Variants in WDTC1 observed in about 807,000 individuals in gnomAD.
WDTC1 encodes the protein WD and tetratricopeptide repeats protein 1.
A neutral mutation model predicts 76.0 loss-of-function variants in WDTC1; 12 were observed. That is an observed-to-expected ratio of 0.16 (90% CI 0.10 to 0.26). WDTC1 has a LOEUF of 0.26. WDTC1 is among the 10% of genes least tolerant of loss of function. The pLI is 1.00. For missense variants in WDTC1, 511 were observed against 908.8 expected (o/e 0.56, Z 5.63); for synonymous variants, 326 against 350.8 (o/e 0.93, Z 0.79).
chr1:27,304,490 C>A lies in WDTC1; in HGVS notation c.1644-511C>A, dbSNP rs1252024400. 3 of 154,184 alleles carry A rather than the reference C, an allele frequency of 1.9e-5. No individual in the cohort carries two copies. In the East Asian group the frequency reaches 5.8e-4, roughly 30 times the overall value. The allele number at this position is 154,184 out of a possible 1,614,324, so 9.6% of individuals were successfully genotyped here. ...GGGTGTGGTGACGTGCACCTGTAGTCCCAGCTATTCAGGAGGTTGACATTG... is the reference window on the plus strand; with the variant it reads ...GGGTGTGGTGACGTGCACCTGTAGTACCAGCTATTCAGGAGGTTGACATTG... On this transcript the variant is annotated intron_variant, in intron 14 of 15. Transcript: ENST00000319394.
chr1:27,261,608 C>A (rs2012477011), intron 2 of WDTC1, among the ~76,000 whole-genome samples: 1 of 152,092 alleles, frequency 6.6e-6, no homozygotes, highest in African/African-American at 2.4e-5. Context: ...CAGTCAAGTT[C>A]AGTTATTGAA....
In WDTC1 at chr1:27,248,117, G is replaced by A. The variant is rs549407265; in HGVS notation, c.-99-12839G>A. Among the ~76,000 whole-genome samples the A allele has an allele frequency of 5.9e-5, 9 of 152,334 alleles. No homozygotes were observed. The South Asian group carries it at 1.9e-3, about 32-fold the overall frequency. ...AGTGCCACAATTAACATACTGCACA[G>A]TGTGTGTGTCTTTATGGTGAAACTA... On this transcript the variant is annotated intron_variant, in intron 1 of 15. Transcript: ENST00000319394.
intron 1 of WDTC1, among the ~76,000 whole-genome samples, chr1:27,235,746 C>T (rs985182540): frequency 7.9e-5 from 12 of 151,962 alleles, no homozygotes; most frequent in East Asian, 1.9e-4. Flanking sequence ...GGTACAGGGG[C>T]CTGTAACTAA....
intron 5 of WDTC1, among the ~76,000 whole-genome samples, chr1:27,285,928 G>A (rs2013320124): frequency 6.7e-6 from 1 of 150,262 alleles, no homozygotes; most frequent in Admixed American, 6.6e-5. Context: ...TGAAGCTATG[G>A]TTGCAGCTGT....
intron 1 of WDTC1, among the ~76,000 whole-genome samples, chr1:27,237,576 G>A (rs930652276): frequency 7.2e-5 from 11 of 152,096 alleles, no homozygotes; most frequent in Admixed American, 2.0e-4. Flanking sequence ...CTGGCTGAGC[G>A]CGGTGGCTCA....
intron 11 of WDTC1, 151 bp from the exon 12 acceptor site, chr1:27,297,787 C>A: frequency 5.7e-6 from 4 of 707,894 alleles, no homozygotes; most frequent in South Asian, 2.4e-5. Flanking sequence ...AGGTAATATC[C>A]CAGACCAGGG....
chr1:27,246,642 A>T (rs1318171396), intron 1 of WDTC1, among the ~76,000 whole-genome samples: 1 of 151,390 alleles, frequency 6.6e-6, no homozygotes, highest in Middle Eastern at 3.4e-3. Context: ...GCTTACTGCA[A>T]CCTCCGCCTT....
chr1:27,243,912 G>A (rs143846120), intron 1 of WDTC1, among the ~76,000 whole-genome samples: 4,969 of 150,448 alleles, frequency 0.033, 112 homozygotes, highest in Middle Eastern at 0.048. Context: ...GATCGCTTGA[G>A]CCCAGGAGTT....
Position 27,306,118 on chromosome 1 carries a change from C to G in WDTC1, c.1837-68C>G. 3 of 1,570,982 alleles carry G rather than the reference C, an allele frequency of 1.9e-6. No homozygotes were observed. The highest frequency in any genetic ancestry group is 2.6e-6 in the Non-Finnish European group (3 of 1,144,324). ...AGTCTGTGTATTTCCCTCCCCCTCC[C>G]CTATACGTGTACCCTGGTGCCTCTC... On this transcript the variant is annotated intron_variant, in intron 15 of 15. Coordinates refer to ENST00000319394, the MANE Select transcript of WDTC1 (RefSeq NM_001276252.2). This position sits in a 1 kb window ranked among gnomAD's most constrained non-coding sequence, Gnocchi z 5.0.
rs2013246484 is a variant in WDTC1, at chr1:27,283,440, C to T, written c.282C>T (p.Phe94=). The change falls in exon 5 of 16, where the codon TTC becomes TTT. Residue 94 remains phenylalanine, a synonymous_variant. Transcript: ENST00000319394. ...SMHTGHTANI[F]SVKFLPHAGD... ...ACACGGGACACACCGCAAATATCTT[C>T]TCTGTCAAGGTGAGCAGGACAAGCC... 1 of 1,612,250 alleles carries T rather than the reference C, an allele frequency of 6.2e-7. No individual in the cohort carries two copies. Among genetic ancestry groups the T allele is most frequent in the Non-Finnish European group, 8.5e-7 (1 of 1,179,976 alleles).
chr1:27,302,939 G>C (rs1299399594), intron 13 of WDTC1, among the ~76,000 whole-genome samples: 1 of 152,054 alleles, frequency 6.6e-6, no homozygotes, highest in African/African-American at 2.4e-5. Context: ...GAGGGTAAGG[G>C]CATGGTCCTT....
chr1:27,271,357 G>A (rs2012863394), intron 3 of WDTC1, among the ~76,000 whole-genome samples: 1 of 151,946 alleles, frequency 6.6e-6, no homozygotes, highest in Non-Finnish European at 1.5e-5. Flanking sequence ...TGGGATGACA[G>A]GCATCTGCCA....
rs78978973 is a variant in WDTC1 at position 27,255,073 on chromosome 1, G to A, written c.-99-5883G>A. On this transcript the variant is annotated intron_variant, in intron 1 of 15. Transcript: ENST00000319394. ...GTTCCTTTTAGTATTTCCAAGCCACGCACCAGTCTTAGCTAAAAACCCCTT... is the reference window on the plus strand; with the variant it reads ...GTTCCTTTTAGTATTTCCAAGCCACACACCAGTCTTAGCTAAAAACCCCTT... Among the ~76,000 whole-genome samples, 30 of 151,588 alleles carry A rather than the reference G, an allele frequency of 2.0e-4. 1 individual carries two copies. In the South Asian group the frequency reaches 5.2e-3, roughly 26 times the overall value.
intron 1 of WDTC1, among the ~76,000 whole-genome samples, chr1:27,236,277 C>T (rs1456852280): frequency 6.6e-6 from 1 of 152,166 alleles, no homozygotes; most frequent in Non-Finnish European, 1.5e-5. Flanking sequence ...ACTAGTTGGG[C>T]TCCTTTGGGC....
At chr1:27,249,697 GC>G (rs1416354279) in intron 1 of WDTC1, among the ~76,000 whole-genome samples, 2 of 152,014 alleles carry the variant, frequency 1.3e-5, no homozygotes, top group African/African-American at 4.8e-5. Flanking sequence ...TTCTGCCTCA[GC>G]CTCCTGAGTA....
intron 6 of WDTC1, among the ~76,000 whole-genome samples, chr1:27,289,388 C>T (rs1235105267): frequency 3.7e-4 from 51 of 138,158 alleles, no homozygotes; most frequent in Non-Finnish European, 6.3e-4. Context: ...CAGACGGGGT[C>T]GCGGCCGGGC....
rs530771190 is a variant in WDTC1, at chr1:27,294,150, C to T, written c.757+34C>T. The T allele has an allele frequency of 7.2e-5, 115 of 1,600,964 alleles. 2 individuals are homozygous for T. In the South Asian group the frequency reaches 9.8e-4, roughly 14 times the overall value. On this transcript the variant is annotated intron_variant, in intron 8 of 15. Coordinates refer to ENST00000319394, the MANE Select transcript of WDTC1 (RefSeq NM_001276252.2). Reference sequence around the variant, plus strand: ...CAGCACAGCTCTGGCCCCAAACTCTCGGCTAGATGCTGACTCTTTTGGGGG... The same window carrying T: ...CAGCACAGCTCTGGCCCCAAACTCTTGGCTAGATGCTGACTCTTTTGGGGG...
chr1:27,293,664 G>A (rs546164575), intron 7 of WDTC1, among the ~76,000 whole-genome samples: 1 of 152,186 alleles, frequency 6.6e-6, no homozygotes, highest in East Asian at 1.9e-4. Context: ...ATGATTCTTG[G>A]GATGGATGCA....
chr1:27,282,788 A>G (rs1172811142), intron 4 of WDTC1, among the ~76,000 whole-genome samples: 4 of 151,780 alleles, frequency 2.6e-5, no homozygotes, highest in Non-Finnish European at 5.9e-5. Context: ...ACAGGCATGA[A>G]CTACCGCGCC....
Sources: allele counts gnomAD v4.1 joint callset (sites outside exome capture counted in the v4.1 genomes callset), GRCh38; gene constraint gnomAD v4.1.1; non-coding constraint Gnocchi (gnomAD v3.1); transcripts MANE v1.5; gene names NCBI Gene and HGNC (gene_info 2026-07-23, HGNC 2026-07-21).